Variants in DLG2 observed in about 807,000 individuals in gnomAD.
DLG2 encodes the protein discs large MAGUK scaffold protein 2.
DLG2 carries 45 observed loss-of-function variants against 132.5 expected under a neutral mutation model. The observed-to-expected ratio is 0.34, with a 90% CI of 0.27 to 0.44. The LOEUF is 0.44. Among genes scored for constraint, DLG2 ranks in the 20% least tolerant of loss-of-function variants. The pLI, the probability that DLG2 is intolerant of heterozygous loss-of-function variation, is 1.00. For synonymous variants in DLG2, 424 were observed against 419.6 expected, an observed-to-expected ratio of 1.01 and a Z score of -0.13; for missense variants, 1,045 against 1,196.9, an observed-to-expected ratio of 0.87 and a Z score of 1.87.
chr11:85,512,234 G>T (rs2094089389), intron 3 of DLG2, among the ~76,000 whole-genome samples: 1 of 151,944 alleles, frequency 6.6e-6, no homozygotes, highest in Admixed American at 6.6e-5. Flanking sequence ...ACTCCAACCT[G>T]GTGCAAAGCA....
intron 6 of DLG2, among the ~76,000 whole-genome samples, chr11:84,547,255 A>T (rs560288922): frequency 6.6e-6 from 1 of 152,262 alleles, no homozygotes; most frequent in East Asian, 1.9e-4. Flanking sequence ...AATAGAAAAA[A>T]CTAAAGGAAA....
At chr11:85,212,255 G>A (rs780245620) in intron 4 of DLG2, among the ~76,000 whole-genome samples, 1 of 151,980 alleles carries the variant, frequency 6.6e-6, no homozygotes, top group African/African-American at 2.4e-5. Context: ...TTGACACCCC[G>A]AATCGAGATT....
At chr11:83,855,562 CA>C (rs1274945955) in intron 16 of DLG2, among the ~76,000 whole-genome samples, 1 of 151,952 alleles carries the variant, frequency 6.6e-6, no homozygotes, top group African/African-American at 2.4e-5. Flanking sequence ...CAAAAGAAGC[CA>C]ATCTGAAAAG....
At chr11:83,502,041 A>G (rs2094470979) in intron 21 of DLG2, among the ~76,000 whole-genome samples, 1 of 152,238 alleles carries the variant, frequency 6.6e-6, no homozygotes, top group African/African-American at 2.4e-5. Context: ...GATAAAAAGT[A>G]CTTGTCAATA....
chr11:83,826,711 C>G (rs1302135290), intron 17 of DLG2, among the ~76,000 whole-genome samples: 1 of 152,150 alleles, frequency 6.6e-6, no homozygotes, highest in African/African-American at 2.4e-5. Context: ...CTGGCTGATA[C>G]AGTACCTTGA....
chr11:85,353,189 C>A (rs537389041), intron 3 of DLG2, among the ~76,000 whole-genome samples: 1 of 152,082 alleles, frequency 6.6e-6, no homozygotes, highest in East Asian at 1.9e-4. Context: ...ATATGAACAG[C>A]CACTTCTTAA....
At chr11:84,569,611 T>C (rs550969967) in intron 6 of DLG2, among the ~76,000 whole-genome samples, 6 of 152,210 alleles carry the variant, frequency 3.9e-5, no homozygotes, top group African/African-American at 1.4e-4. Context: ...CATTATAAAG[T>C]CTCAACAGCA....
intron 16 of DLG2, among the ~76,000 whole-genome samples, chr11:83,839,237 G>T (rs903850193): frequency 6.6e-6 from 1 of 152,052 alleles, no homozygotes; most frequent in Non-Finnish European, 1.5e-5. Context: ...AAACTCAGAA[G>T]ATTTAAATGC....
intron 10 of DLG2, among the ~76,000 whole-genome samples, chr11:84,089,357 A>G (rs549538664): frequency 1.2e-4 from 18 of 152,218 alleles, no homozygotes; most frequent in African/African-American, 4.1e-4. Flanking sequence ...GATGATTACC[A>G]ATCATTTTTC....
chr11:83,600,188 A>G (rs76696947), intron 19 of DLG2, among the ~76,000 whole-genome samples: 2,730 of 150,624 alleles, frequency 0.018, 107 homozygotes, highest in African/African-American at 0.063. Context: ...CACACATCCT[A>G]TTTTTTTCAA....
chr11:84,892,012 C>T (rs191629101), intron 6 of DLG2, among the ~76,000 whole-genome samples: 69 of 152,202 alleles, frequency 4.5e-4, no homozygotes, highest in African/African-American at 1.6e-3. Context: ...TTTAATTAAG[C>T]AAGTTTTTCA....
chr11:85,442,021 A>G (rs2091804218), intron 3 of DLG2, among the ~76,000 whole-genome samples: 1 of 152,096 alleles, frequency 6.6e-6, no homozygotes, highest in Admixed American at 6.6e-5. Flanking sequence ...AGTATCCCAT[A>G]CAGAAGAAAA....
chr11:83,949,968 A>G (rs1326560877), intron 14 of DLG2, among the ~76,000 whole-genome samples: 2 of 152,194 alleles, frequency 1.3e-5, no homozygotes, highest in Non-Finnish European at 2.9e-5. Flanking sequence ...TAGTTCCCAG[A>G]TGTTAAGCCT....
intron 3 of DLG2, among the ~76,000 whole-genome samples, chr11:85,388,141 C>A (rs1344479012): frequency 1.3e-5 from 2 of 152,106 alleles, no homozygotes; most frequent in Non-Finnish European, 2.9e-5. Flanking sequence ...GTCTTTTGGG[C>A]TGCAGGTGGC....
chr11:85,258,012 A>G (rs2076754500), intron 4 of DLG2, among the ~76,000 whole-genome samples: 1 of 152,142 alleles, frequency 6.6e-6, no homozygotes. Flanking sequence ...CTTTTACTCT[A>G]AGGACTCAGG....
At chr11:84,007,582 A>C (rs1469397736) in intron 11 of DLG2, among the ~76,000 whole-genome samples, 1 of 151,772 alleles carries the variant, frequency 6.6e-6, no homozygotes, top group Non-Finnish European at 1.5e-5. Context: ...ACATAATTGA[A>C]CATCTTTAAT....
At chr11:84,858,104 G>T (rs1171446759) in intron 6 of DLG2, among the ~76,000 whole-genome samples, 1 of 152,010 alleles carries the variant, frequency 6.6e-6, no homozygotes, top group Non-Finnish European at 1.5e-5. Flanking sequence ...TGCTGCCCAG[G>T]CTGGTCATGA....
At chr11:84,858,453 T>C (rs937660223) in intron 6 of DLG2, among the ~76,000 whole-genome samples, 2 of 152,052 alleles carry the variant, frequency 1.3e-5, no homozygotes, top group African/African-American at 4.8e-5. Context: ...TGTGCATTTG[T>C]CAAAGATTTG....
intron 12 of DLG2, among the ~76,000 whole-genome samples, chr11:83,972,266 G>C (rs2091471992): frequency 6.6e-6 from 1 of 152,092 alleles, no homozygotes; most frequent in Admixed American, 6.6e-5. Context: ...ACGAATTTAA[G>C]TCAGTTAACA....
Sources: gnomAD v4.1 joint callset for allele counts (sites outside exome capture counted in the v4.1 genomes callset) on GRCh38, gnomAD v4.1.1 for gene constraint, MANE v1.5 for transcripts, NCBI Gene and HGNC (gene_info 2026-07-23, HGNC 2026-07-21) for gene names.